The following RIMS1 variants were observed in gnomAD, a reference collection of about 807,000 sequenced individuals.
The protein encoded by RIMS1 is regulating synaptic membrane exocytosis 1.
RIMS1 carries 83 observed loss-of-function variants against 214.1 expected under a neutral mutation model. The ratio of observed to expected loss-of-function variants is 0.39; its 90% CI spans 0.32 to 0.47. The LOEUF (loss-of-function observed/expected upper bound fraction) is 0.47, where lower values mean the gene tolerates loss of function less well. RIMS1 is among the 20% of genes least tolerant of loss of function. The pLI, the probability that RIMS1 is intolerant of heterozygous loss-of-function variation, is 0.99. For missense variants in RIMS1, 2,050 were observed against 2,161.8 expected, an observed-to-expected ratio of 0.95 and a Z score of 1.03; for synonymous variants, 793 against 786.8, an observed-to-expected ratio of 1.01 and a Z score of -0.13.
At chr6:72,083,400 C>T (rs1167407991) in intron 2 of RIMS1, among the ~76,000 whole-genome samples, 2 of 152,018 alleles carry the variant, frequency 1.3e-5, no homozygotes, top group Non-Finnish European at 2.9e-5. Context: ...CAAAATTACA[C>T]GTGTTCCACC....
intron 1 of RIMS1, among the ~76,000 whole-genome samples, chr6:71,947,532 C>A (rs1788231066): frequency 6.6e-6 from 1 of 151,978 alleles, no homozygotes; most frequent in Admixed American, 6.6e-5. Context: ...TGGTGATTAT[C>A]AGAAGTTGGG....
rs2051001245 is a variant in RIMS1 at position 72,196,588 on chromosome 6, T to TTTTTTTTTTTTTTG, written c.1678+13452_1678+13453insGTTTTTTTTTTTTT. Among the ~76,000 whole-genome samples the TTTTTTTTTTTTTTG allele has an allele frequency of 1.6e-5, 2 of 125,540 alleles. 1 individual carries two copies. The highest frequency in any genetic ancestry group is 3.5e-5 in the Non-Finnish European group (2 of 57,380). The allele number at this position is 125,540 out of a possible 152,430, so 82.4% of individuals were successfully genotyped here. ...GCTGGCAGCCAGCTGCACTTTTTTT[T>TTTTTTTTTTTTTTG]TTTTTTTTTTTTTTTACCTATACAG... On this transcript the variant is annotated intron_variant, in intron 6 of 33. Coordinates refer to ENST00000521978, the MANE Select transcript of RIMS1 (RefSeq NM_014989.7).
At chr6:72,284,677 A>G in intron 24 of RIMS1, among the ~76,000 whole-genome samples, 1 of 52,822 alleles carries the variant, frequency 1.9e-5, no homozygotes, top group South Asian at 1.1e-3. Context: ...TAGGTACAAC[A>G]TATTGACACT....
chr6:71,905,209 C>T (rs1774907611), intron 1 of RIMS1, among the ~76,000 whole-genome samples: 1 of 151,816 alleles, frequency 6.6e-6, no homozygotes, highest in Admixed American at 6.6e-5. Context: ...TAGAGCGGTA[C>T]ATTTTAGAAG....
intron 28 of RIMS1, among the ~76,000 whole-genome samples, chr6:72,332,730 C>T (rs1167681226): frequency 6.6e-6 from 1 of 151,026 alleles, no homozygotes; most frequent in Non-Finnish European, 1.5e-5. Context: ...TGCTTGCTTG[C>T]CCTACCTCTC....
intron 28 of RIMS1, among the ~76,000 whole-genome samples, chr6:72,330,755 G>T (rs1291874182): frequency 1.3e-5 from 2 of 151,766 alleles, no homozygotes; most frequent in Admixed American, 1.3e-4. Context: ...GCAGTAGAAA[G>T]CATATTTGTG....
At chr6:72,355,052 G>A (rs77678062) in intron 29 of RIMS1, among the ~76,000 whole-genome samples, 1,951 of 152,218 alleles carry the variant, frequency 0.013, 24 homozygotes, top group African/African-American at 0.031. Context: ...AACCAATAAG[G>A]TAGACAATAT....
At chr6:72,205,382 C>T (rs1436485013) in intron 6 of RIMS1, among the ~76,000 whole-genome samples, 1 of 152,096 alleles carries the variant, frequency 6.6e-6, no homozygotes, top group Non-Finnish European at 1.5e-5. Context: ...TTGGCATAAT[C>T]CCCAGAAAGA....
At chr6:72,040,615 A>G (rs1026512194) in intron 2 of RIMS1, among the ~76,000 whole-genome samples, 2 of 151,960 alleles carry the variant, frequency 1.3e-5, no homozygotes, top group African/African-American at 4.8e-5. Flanking sequence ...TATATAAAAT[A>G]TGTAAGTAGT....
At chr6:72,302,874 AT>A (rs1162457601) in intron 26 of RIMS1, among the ~76,000 whole-genome samples, 1 of 151,172 alleles carries the variant, frequency 6.6e-6, no homozygotes, top group African/African-American at 2.4e-5. Flanking sequence ...TTACAGTCAT[AT>A]TTCATCTAAT....
In RIMS1 at chr6:71,955,303, A is replaced by G. The variant is rs534234314; in HGVS notation, c.165-13680A>G. ...TGCCTCAGCCTCCTGGGTAGCTGGG[A>G]TTACAGGTGCCAGCCATCATGCCTG... is the stretch of plus-strand genomic sequence containing the variant. On this transcript the variant is annotated intron_variant, in intron 1 of 33. Transcript: ENST00000521978. 2.0e-5 allele frequency among the ~76,000 whole-genome samples: 3 copies of G among 152,004 alleles called. No individual in the cohort carries two copies. The East Asian group carries it at 5.8e-4, about 30-fold the overall frequency.
intron 11 of RIMS1, among the ~76,000 whole-genome samples, chr6:72,246,689 C>T (rs2069948348): frequency 6.6e-6 from 1 of 152,092 alleles, no homozygotes; most frequent in Non-Finnish European, 1.5e-5. Context: ...CCATCATGTT[C>T]TGCTAGAGGT....
At chr6:72,034,327 C>CTA (rs1324526641) in intron 2 of RIMS1, among the ~76,000 whole-genome samples, 1 of 152,090 alleles carries the variant, frequency 6.6e-6, no homozygotes, top group Non-Finnish European at 1.5e-5. Context: ...CTGCTGTCCT[C>CTA]TATACTTATT....
intron 18 of RIMS1, among the ~76,000 whole-genome samples, 175 bp downstream of exon 18, chr6:72,259,286 G>T (rs2077031626): frequency 6.6e-6 from 1 of 152,024 alleles, no homozygotes; most frequent in African/African-American, 2.4e-5. Flanking sequence ...GGAAATATTT[G>T]GCTAATATTA....
At chr6:72,101,797 A>G in intron 4 of RIMS1, among the ~76,000 whole-genome samples, 1 of 151,936 alleles carries the variant, frequency 6.6e-6, no homozygotes, top group East Asian at 1.9e-4. Flanking sequence ...AATTATTGTC[A>G]TATTTTCCAT....
At chr6:72,076,320 G>T (rs1307232830) in intron 2 of RIMS1, among the ~76,000 whole-genome samples, 1 of 152,148 alleles carries the variant, frequency 6.6e-6, no homozygotes, top group African/African-American at 2.4e-5. Context: ...CATGATAAAG[G>T]TGCCCATCAA....
chr6:72,292,439 T>C (rs890230105), intron 26 of RIMS1, among the ~76,000 whole-genome samples: 9 of 152,206 alleles, frequency 5.9e-5, no homozygotes, highest in African/African-American at 2.2e-4. Flanking sequence ...CTGAATCCTT[T>C]ACAAATTTTT....
intron 6 of RIMS1, among the ~76,000 whole-genome samples, chr6:72,187,552 C>T (rs1324924129): frequency 2.1e-5 from 3 of 141,902 alleles, no homozygotes; most frequent in African/African-American, 8.0e-5. Context: ...TCTTGGCTCA[C>T]TGCAACCTCT....
At chr6:72,224,338 G>A (rs1272934494) in intron 6 of RIMS1, among the ~76,000 whole-genome samples, 3 of 152,158 alleles carry the variant, frequency 2.0e-5, no homozygotes, top group African/African-American at 7.2e-5. Flanking sequence ...TCAAAAATTT[G>A]TAGGGCAGTA....
Sources: gnomAD v4.1 joint callset for allele counts (sites outside exome capture counted in the v4.1 genomes callset) on GRCh38, gnomAD v4.1.1 for gene constraint, MANE v1.5 for transcripts, NCBI Gene and HGNC (gene_info 2026-07-23, HGNC 2026-07-21) for gene names.